The following IL1RAPL2 variants were observed in gnomAD, a reference collection of about 807,000 sequenced individuals.
IL1RAPL2 encodes the protein X-linked interleukin-1 receptor accessory protein-like 2.
In IL1RAPL2, 3 loss-of-function variants were observed where a neutral mutation model predicts 44.1. That is an observed-to-expected ratio of 0.07 (90% CI 0.03 to 0.18). IL1RAPL2 has a LOEUF of 0.18. Among genes scored for constraint, IL1RAPL2 ranks in the 10% least tolerant of loss-of-function variants. IL1RAPL2 has a pLI of 1.00. For synonymous variants in IL1RAPL2, 181 were observed against 178.8 expected, an observed-to-expected ratio of 1.01 and a Z score of -0.10; for missense variants, 391 against 496.4, an observed-to-expected ratio of 0.79 and a Z score of 2.02.
chrX:105,523,709 C>T (rs1281535860), intron 6 of IL1RAPL2, among the ~76,000 whole-genome samples: 2 of 110,704 alleles, frequency 1.8e-5, no homozygotes, highest in South Asian at 3.8e-4. Flanking sequence ...ATAAGAAGGC[C>T]ATTGCGTTTG....
chrX:105,433,635 G>A (rs1319456077), intron 5 of IL1RAPL2, among the ~76,000 whole-genome samples: 2 of 111,313 alleles, frequency 1.8e-5, no homozygotes, highest in Non-Finnish European at 3.8e-5. Flanking sequence ...AAAATATAAA[G>A]CTGAGGTAGA....
intron 2 of IL1RAPL2, among the ~76,000 whole-genome samples, chrX:105,021,910 A>G (rs1433377941): frequency 1.8e-5 from 2 of 111,270 alleles, no homozygotes; most frequent in African/African-American, 6.5e-5. Flanking sequence ...ATGGCAATCA[A>G]TGCATGCATA....
chrX:105,756,042 A>C (rs2038635720), intron 10 of IL1RAPL2, among the ~76,000 whole-genome samples: 1 of 110,758 alleles, frequency 9.0e-6, no homozygotes, highest in Non-Finnish European at 1.9e-5. Context: ...GAGAAATCTA[A>C]GACATAGTCC....
At position 105,115,897 on chromosome X, in the gene IL1RAPL2, C is replaced by T. The variant is rs755137774; in HGVS notation, c.83-79578C>T. 4.4e-5 allele frequency among the ~76,000 whole-genome samples: 5 copies of T among 113,070 alleles called. No individual in the cohort carries two copies. The South Asian group carries it at 1.1e-3, about 24-fold the overall frequency. ...GCGCTGCAGGTCCCAAGCCCTGCCCCGCAGAGAGGCAGCTAAGGCCTGGCG... is the reference window on the plus strand; with the variant it reads ...GCGCTGCAGGTCCCAAGCCCTGCCCTGCAGAGAGGCAGCTAAGGCCTGGCG... On this transcript the variant is annotated intron_variant, in intron 2 of 10. Transcript: ENST00000372582.
intron 2 of IL1RAPL2, among the ~76,000 whole-genome samples, chrX:105,057,854 T>C (rs912450942): frequency 9.1e-6 from 1 of 110,223 alleles, no homozygotes; most frequent in Non-Finnish European, 1.9e-5. Flanking sequence ...TGATCTCAGT[T>C]CACTGCAACC....
chrX:104,890,205 A>G (rs1385492877), intron 2 of IL1RAPL2, among the ~76,000 whole-genome samples: 1 of 111,766 alleles, frequency 8.9e-6, no homozygotes, highest in East Asian at 2.8e-4. Context: ...TCATTGTTGG[A>G]CACTTGGGTT....
intron 7 of IL1RAPL2, among the ~76,000 whole-genome samples, chrX:105,718,337 A>T (rs1208376741): frequency 2.7e-5 from 3 of 111,854 alleles, no homozygotes; most frequent in African/African-American, 9.7e-5. Context: ...CATAAATGAG[A>T]CAAGTATGCT....
At chrX:105,498,560 A>G (rs895966788) in intron 6 of IL1RAPL2, among the ~76,000 whole-genome samples, 2 of 111,372 alleles carry the variant, frequency 1.8e-5, no homozygotes, top group African/African-American at 6.5e-5. Context: ...TCATATGGAA[A>G]CACAAAGGTC....
chrX:105,056,157 A>C (rs2031990566), intron 2 of IL1RAPL2, among the ~76,000 whole-genome samples: 1 of 111,983 alleles, frequency 8.9e-6, no homozygotes, highest in South Asian at 3.8e-4. Context: ...CCAACTAAAA[A>C]TAATAAAATG....
At chrX:104,731,359 A>G (rs1048930400) in intron 2 of IL1RAPL2, among the ~76,000 whole-genome samples, 1 of 110,700 alleles carries the variant, frequency 9.0e-6, no homozygotes, top group Non-Finnish European at 1.9e-5. Context: ...TAGGTCTAAC[A>G]TTTAAGTCTT....
At position 104,925,926 on chromosome X, in the gene IL1RAPL2, C is replaced by A. The variant is rs1924763033; in HGVS notation, c.82+266931C>A. Among the ~76,000 whole-genome samples the A allele has an allele frequency of 2.7e-5, 3 of 112,042 alleles. No homozygotes were observed. In the South Asian group the frequency reaches 1.1e-3, roughly 42 times the overall value. Reference sequence around the variant, plus strand: ...TCAAACTATCCCTTTTTGCAGATAACATGATTCTGTATCTAGAAAAATAGC... The same window carrying A: ...TCAAACTATCCCTTTTTGCAGATAAAATGATTCTGTATCTAGAAAAATAGC... On this transcript the variant is annotated intron_variant, in intron 2 of 10. Transcript: ENST00000372582.
chrX:105,242,744 A>T (rs1416594470), intron 4 of IL1RAPL2, among the ~76,000 whole-genome samples: 1 of 111,941 alleles, frequency 8.9e-6, no homozygotes, highest in Non-Finnish European at 1.9e-5. Context: ...CAGTGCTCTC[A>T]TGAAAGTTCC....
intron 2 of IL1RAPL2, among the ~76,000 whole-genome samples, chrX:104,745,865 T>G (rs1343269385): frequency 4.5e-5 from 5 of 111,535 alleles, no homozygotes; most frequent in African/African-American, 1.6e-4. Flanking sequence ...TTAAGAATTT[T>G]AATGTATTCT....
rs1472012879 is a variant in IL1RAPL2, at chrX:104,816,458, C to T, written c.82+157463C>T. Among the ~76,000 whole-genome samples, 3 of 112,070 alleles carry T rather than the reference C, an allele frequency of 2.7e-5. No individual in the cohort carries two copies. In the Admixed American group the frequency reaches 2.8e-4, roughly 11 times the overall value. On this transcript the variant is annotated intron_variant, in intron 2 of 10. Coordinates refer to ENST00000372582, the MANE Select transcript of IL1RAPL2 (RefSeq NM_017416.2). ...TCAGACAAAATGCTTTCATCAGTCT[C>T]CTTAGTCTTTGATTAGTCCTTCCTT...
chrX:105,456,994 A>G (rs1437062020), intron 5 of IL1RAPL2, among the ~76,000 whole-genome samples: 18 of 103,981 alleles, frequency 1.7e-4, no homozygotes, highest in Non-Finnish European at 3.1e-4. Context: ...TAATATTTTC[A>G]GTTTTCCTGT....
chrX:105,002,217 A>G (rs1476311722), intron 2 of IL1RAPL2, among the ~76,000 whole-genome samples: 2 of 111,525 alleles, frequency 1.8e-5, no homozygotes, highest in South Asian at 3.7e-4. Context: ...TACAAAAAGC[A>G]TGGTAGAACA....
chrX:105,446,579 G>A (rs1301920857), intron 5 of IL1RAPL2, among the ~76,000 whole-genome samples: 1 of 110,130 alleles, frequency 9.1e-6, no homozygotes, highest in Admixed American at 9.8e-5. Context: ...TTAAATTTGA[G>A]ATTACGATGA....
At chrX:105,340,235 T>G (rs1392688876) in intron 5 of IL1RAPL2, among the ~76,000 whole-genome samples, 1 of 111,185 alleles carries the variant, frequency 9.0e-6, no homozygotes, top group Non-Finnish European at 1.9e-5. Context: ...CACACCAAAA[T>G]TCTTGGAGTC....
rs567417662 is a variant in IL1RAPL2, at chrX:104,889,627, G to A, written c.82+230632G>A. On this transcript the variant is annotated intron_variant, in intron 2 of 10. Transcript: ENST00000372582. ...GTACCCCTCAAAGTTAAGTCTGTCA[G>A]CACAGAGCCATACAACTAATACCCC... is the stretch of plus-strand genomic sequence containing the variant. Among the ~76,000 whole-genome samples, 161 of 111,158 alleles carry A rather than the reference G, an allele frequency of 1.4e-3. 1 individual carries two copies. The highest frequency in any genetic ancestry group is 4.9e-3 in the African/African-American group (149 of 30,612).
Sources: allele counts gnomAD v4.1 joint callset (sites outside exome capture counted in the v4.1 genomes callset), GRCh38; gene constraint gnomAD v4.1.1; transcripts MANE v1.5; gene names NCBI Gene and HGNC (gene_info 2026-07-23, HGNC 2026-07-21).